Variants in DLC1 observed in about 807,000 individuals in gnomAD.
The protein encoded by DLC1 is DLC1 Rho GTPase activating protein.
In DLC1, 54 loss-of-function variants were observed where a neutral mutation model predicts 140.3. The ratio of observed to expected loss-of-function variants is 0.38; its 90% CI spans 0.31 to 0.48. The LOEUF (loss-of-function observed/expected upper bound fraction) is 0.48, where lower values mean the gene tolerates loss of function less well. Among genes scored for constraint, DLC1 ranks in the 20% least tolerant of loss-of-function variants. The probability of loss-of-function intolerance (pLI) is 0.96; values close to 1 mark genes in which losing one functional copy is unlikely to be tolerated. For missense variants in DLC1, 2,536 were observed against 1,907.0 expected (o/e 1.33, Z -6.14); for synonymous variants, 986 against 728.1 (o/e 1.35, Z -5.70).
At chr8:13,299,113 T>G (rs982540419) in intron 5 of DLC1, among the ~76,000 whole-genome samples, 1 of 151,620 alleles carries the variant, frequency 6.6e-6, no homozygotes. Flanking sequence ...TTCTTCTCCA[T>G]GGGATTAAAT....
At chr8:13,576,024 G>T (rs556600311) in intron 1 of DLC1, among the ~76,000 whole-genome samples, 6 of 152,130 alleles carry the variant, frequency 3.9e-5, no homozygotes, top group Non-Finnish European at 8.8e-5. Flanking sequence ...ACTGGCAATG[G>T]CCTGTAAAAG....
At chr8:13,257,557 T>A (rs543925954) in intron 5 of DLC1, among the ~76,000 whole-genome samples, 1 of 152,060 alleles carries the variant, frequency 6.6e-6, no homozygotes, top group South Asian at 2.1e-4. Context: ...GTGTCAGTCA[T>A]CATGAGAATG....
chr8:13,528,873 T>C (rs1463255850), intron 1 of DLC1, among the ~76,000 whole-genome samples: 1 of 152,204 alleles, frequency 6.6e-6, no homozygotes, highest in Non-Finnish European at 1.5e-5. Context: ...TCTCCATAAC[T>C]GTTTTCTCTG....
At chr8:13,589,312 A>G (rs73563468) in intron 1 of DLC1, among the ~76,000 whole-genome samples, 5 of 152,202 alleles carry the variant, frequency 3.3e-5, no homozygotes, top group African/African-American at 1.2e-4. Flanking sequence ...AAAACAAAAT[A>G]AAGTCTTTCT....
intron 1 of DLC1, among the ~76,000 whole-genome samples, chr8:13,506,196 T>C (rs537293388): frequency 6.6e-6 from 1 of 152,196 alleles, no homozygotes; most frequent in Non-Finnish European, 1.5e-5. Context: ...TGTATACAAA[T>C]ACATGCACAC....
intron 5 of DLC1, among the ~76,000 whole-genome samples, chr8:13,127,080 G>C (rs117860262): frequency 6.6e-6 from 1 of 152,158 alleles, no homozygotes; most frequent in Non-Finnish European, 1.5e-5. Flanking sequence ...TCAACTAGAC[G>C]TTCTCAGTTT....
chr8:13,366,988 C>G (rs1234650213), intron 4 of DLC1, among the ~76,000 whole-genome samples: 3 of 152,114 alleles, frequency 2.0e-5, no homozygotes, highest in African/African-American at 7.2e-5. Context: ...TCATTCCTGT[C>G]TACTCACTCT....
rs200397093 is a variant in DLC1 at position 13,092,739 on chromosome 8, G to C, written c.3613C>G (p.Leu1205Val). 1.2e-6 allele frequency: 2 copies of C among 1,614,162 alleles called. No individual in the cohort carries two copies. The highest frequency in any genetic ancestry group is 4.5e-5 in the East Asian group (2 of 44,884). The change falls in exon 13 of 18, where the codon CTT becomes GTT. Residue 1205 changes from leucine (L) to valine (V), a missense_variant. Coordinates refer to ENST00000276297, the MANE Select transcript of DLC1 (RefSeq NM_182643.3). ...GCTGTGACATCGCTCAGGAAATAAAGCAGGGTCTGCAGAACCTCCCGGTTC... is the reference window on the plus strand; with the variant it reads ...GCTGTGACATCGCTCAGGAAATAAACCAGGGTCTGCAGAACCTCCCGGTTC... ...DENREVLQTLLYFLSDVTAAV... is the reference protein window; with the variant it reads ...DENREVLQTLVYFLSDVTAAV...
intron 2 of DLC1, among the ~76,000 whole-genome samples, chr8:13,492,536 C>G (rs921433886): frequency 3.9e-5 from 3 of 76,062 alleles, no homozygotes; most frequent in Non-Finnish European, 6.5e-5. Flanking sequence ...TCTCCCTCCA[C>G]CTCTCTCACT....
intron 2 of DLC1, among the ~76,000 whole-genome samples, chr8:13,480,590 A>G (rs141983433): frequency 1.4e-4 from 21 of 152,348 alleles, no homozygotes; most frequent in Non-Finnish European, 2.6e-4. Flanking sequence ...TAGATAGAAT[A>G]CATATGCTAA....
At chr8:13,494,977 C>T (rs1801436004) in intron 2 of DLC1, among the ~76,000 whole-genome samples, 1 of 151,998 alleles carries the variant, frequency 6.6e-6, no homozygotes, top group South Asian at 2.1e-4. Context: ...ACACACAAAC[C>T]TGAGGGATAA....
chr8:13,599,527 C>T lies in DLC1; in HGVS notation c.-126+5010G>A, dbSNP rs570749542. Among the ~76,000 whole-genome samples, 9 of 151,832 alleles carry T rather than the reference C, an allele frequency of 5.9e-5. No homozygotes were observed. In the East Asian group the frequency reaches 1.6e-3, roughly 26 times the overall value. On this transcript the variant is annotated intron_variant, in intron 1 of 1. Transcript: ENST00000631382. ...CCTAATTTCTTTTGTAAGTTTATTA[C>T]CAAATCCCAATGAAGAAGGCATGAA...
intron 5 of DLC1, among the ~76,000 whole-genome samples, chr8:13,140,144 A>G (rs561745833): frequency 6.6e-6 from 1 of 152,318 alleles, no homozygotes; most frequent in Non-Finnish European, 1.5e-5. Flanking sequence ...AGGCAGAATC[A>G]TACAACAGTT....
At chr8:13,146,791 A>G (rs1400281421) in intron 5 of DLC1, among the ~76,000 whole-genome samples, 1 of 152,198 alleles carries the variant, frequency 6.6e-6, no homozygotes, top group Non-Finnish European at 1.5e-5. Context: ...GTCACAAGGA[A>G]AAGCAAACCA....
At chr8:13,345,770 G>C (rs1224774995) in intron 4 of DLC1, among the ~76,000 whole-genome samples, 4 of 151,912 alleles carry the variant, frequency 2.6e-5, no homozygotes, top group Admixed American at 1.3e-4. Context: ...TGTTGGCCAG[G>C]CTGGTCTCAA....
chr8:13,480,613 G>A (rs1800685242), intron 2 of DLC1, among the ~76,000 whole-genome samples: 1 of 152,126 alleles, frequency 6.6e-6, no homozygotes, highest in Non-Finnish European at 1.5e-5. Flanking sequence ...TCGTAAAAAT[G>A]CAAAATTCAT....
intron 5 of DLC1, among the ~76,000 whole-genome samples, chr8:13,228,874 A>G (rs2117190292): frequency 6.6e-6 from 1 of 152,320 alleles, no homozygotes; most frequent in Non-Finnish European, 1.5e-5. Context: ...ATGCAAATCA[A>G]AGCTGCAAAC....
At chr8:13,256,319 C>G (rs1296024214) in intron 5 of DLC1, among the ~76,000 whole-genome samples, 1 of 152,198 alleles carries the variant, frequency 6.6e-6, no homozygotes, top group African/African-American at 2.4e-5. Flanking sequence ...TTTCTTGTCA[C>G]TGATTTTTAA....
intron 13 of DLC1, 37 bp from the exon 14 acceptor site, chr8:13,091,469 T>C: frequency 6.5e-7 from 1 of 1,549,970 alleles, no homozygotes; most frequent in Admixed American, 2.0e-5. Flanking sequence ...ACAGTTCAAA[T>C]ATTTATATAT....
Sources: gnomAD v4.1 joint callset for allele counts (sites outside exome capture counted in the v4.1 genomes callset) on GRCh38, gnomAD v4.1.1 for gene constraint, MANE v1.5 for transcripts, NCBI Gene and HGNC (gene_info 2026-07-23, HGNC 2026-07-21) for gene names.